The following TENM2 variants were observed in gnomAD, a reference collection of about 807,000 sequenced individuals.
TENM2 encodes the protein teneurin transmembrane protein 2.
A neutral mutation model predicts 245.2 loss-of-function variants in TENM2; 52 were observed. That is an observed-to-expected ratio of 0.21 (90% CI 0.17 to 0.27). The LOEUF is 0.27. Ranked by LOEUF, TENM2 falls within the 10% of genes least tolerant of loss-of-function variation. TENM2 has a pLI of 1.00. For synonymous variants in TENM2, 1,363 were observed against 1,438.9 expected, an observed-to-expected ratio of 0.95 and a Z score of 1.19; for missense variants, 3,046 against 3,666.8, an observed-to-expected ratio of 0.83 and a Z score of 4.37.
chr5:167,084,696 A>C, the TENM2 span, among the ~76,000 whole-genome samples: 1 of 152,012 alleles, frequency 6.6e-6, no homozygotes, highest in East Asian at 1.9e-4. Context: ...GTGAAATAGC[A>C]ATATTTTCTG....
the TENM2 span, among the ~76,000 whole-genome samples, chr5:167,210,788 T>C: frequency 2.6e-5 from 4 of 152,234 alleles, no homozygotes; most frequent in Non-Finnish European, 5.9e-5. Context: ...AATGCCTTCC[T>C]CTACATGCAT....
At chr5:168,142,470 G>A (rs144231877) in intron 12 of TENM2, among the ~76,000 whole-genome samples, 5 of 152,334 alleles carry the variant, frequency 3.3e-5, no homozygotes, top group African/African-American at 1.2e-4. Context: ...AACAATTTCA[G>A]CGTTATAAAG....
At chr5:167,285,466 C>G (rs141624649) in intron 1 of TENM2, among the ~76,000 whole-genome samples, 1 of 152,276 alleles carries the variant, frequency 6.6e-6, no homozygotes, top group Non-Finnish European at 1.5e-5. Flanking sequence ...TGTTTCAGAG[C>G]ATGGGTGGCC....
At chr5:167,952,265 A>G (rs1475558018) in intron 3 of TENM2, 3 of 428,280 alleles carry the variant, frequency 7.0e-6, no homozygotes, top group South Asian at 3.3e-5. Context: ...GCCAGCGATC[A>G]GCCTTGAATG....
chr5:167,206,772 A>T, the TENM2 span, among the ~76,000 whole-genome samples: 5 of 152,326 alleles, frequency 3.3e-5, no homozygotes, highest in African/African-American at 1.2e-4. Flanking sequence ...TCCCATGTTT[A>T]TCTGTCAAGA....
At chr5:168,062,088 A>T (rs72824988) in exon 7 of TENM2, 174,439 of 1,611,718 alleles carry the variant, frequency 0.11, 10,015 homozygotes, top group East Asian at 0.18. Context: ...ACAGCAGCAT[A>T]GACAGTGGTG....
chr5:167,164,018 C>T, the TENM2 span, among the ~76,000 whole-genome samples: 1,598 of 152,234 alleles, frequency 0.01, 24 homozygotes, highest in African/African-American at 0.037. Context: ...CACTTTAGTG[C>T]GTGAGTGCAA....
At chr5:167,425,219 C>T (rs1763740431) in intron 2 of TENM2, among the ~76,000 whole-genome samples, 1 of 152,152 alleles carries the variant, frequency 6.6e-6, no homozygotes, top group South Asian at 2.1e-4. Context: ...TAGTATAAAA[C>T]TGCAATTCTC....
intron 2 of TENM2, among the ~76,000 whole-genome samples, chr5:167,384,613 A>G (rs150988384): frequency 6.6e-6 from 1 of 152,368 alleles, no homozygotes; most frequent in East Asian, 1.9e-4. Context: ...CAGATAATAC[A>G]GAACTATTGA....
chr5:167,637,224 A>G (rs1404837230), intron 2 of TENM2, among the ~76,000 whole-genome samples: 1 of 152,210 alleles, frequency 6.6e-6, no homozygotes, highest in East Asian at 1.9e-4. Context: ...TTGACAAGAA[A>G]TAATATGCTA....
At chr5:167,388,555 G>T (rs529456399) in intron 2 of TENM2, among the ~76,000 whole-genome samples, 31 of 150,138 alleles carry the variant, frequency 2.1e-4, no homozygotes, top group African/African-American at 4.6e-4. Flanking sequence ...TTTGGGTTTG[G>T]TTTTTTTTTG....
chr5:167,180,103 C>CT, the TENM2 span, among the ~76,000 whole-genome samples: 4,468 of 114,858 alleles, frequency 0.039, 265 homozygotes, highest in African/African-American at 0.1. Context: ...TAAGTGCTTC[C>CT]TTTTTTTTTT....
At chr5:168,209,815 C>T (rs1337274289) in intron 19 of TENM2, among the ~76,000 whole-genome samples, 1 of 152,152 alleles carries the variant, frequency 6.6e-6, no homozygotes, top group African/African-American at 2.4e-5. Context: ...TAAGTATCTG[C>T]AATTCAGAGA....
chr5:167,303,966 A>G (rs1755512306), intron 1 of TENM2, among the ~76,000 whole-genome samples: 1 of 152,178 alleles, frequency 6.6e-6, no homozygotes, highest in South Asian at 2.1e-4. Flanking sequence ...ATTTTTATAT[A>G]AAATCCCCAG....
chr5:168,025,047 A>G (rs1300617007), intron 5 of TENM2, among the ~76,000 whole-genome samples: 1 of 152,272 alleles, frequency 6.6e-6, no homozygotes, highest in Non-Finnish European at 1.5e-5. Context: ...GGCATACAAA[A>G]GTAACTTCTC....
intron 2 of TENM2, among the ~76,000 whole-genome samples, chr5:167,862,788 T>G (rs1478058136): frequency 6.6e-6 from 1 of 152,236 alleles, no homozygotes; most frequent in African/African-American, 2.4e-5. Context: ...ATTCGGGTTG[T>G]GAATTTCTGC....
chr5:167,579,127 G>T (rs1431770728), intron 2 of TENM2, among the ~76,000 whole-genome samples: 1 of 152,138 alleles, frequency 6.6e-6, no homozygotes, highest in African/African-American at 2.4e-5. Context: ...CAGAGATGGG[G>T]TGCTGCCCAT....
the TENM2 span, among the ~76,000 whole-genome samples, chr5:167,122,613 C>T: frequency 6.6e-6 from 1 of 152,104 alleles, no homozygotes; most frequent in African/African-American, 2.4e-5. Flanking sequence ...TATTGGTGAC[C>T]TTTGATGGTT....
At chr5:167,683,023 T>C (rs899111682) in intron 2 of TENM2, among the ~76,000 whole-genome samples, 4 of 152,172 alleles carry the variant, frequency 2.6e-5, no homozygotes, top group Admixed American at 6.5e-5. Context: ...AGACTTGATT[T>C]AAAAATATAT....
Sources: gnomAD v4.1 joint callset for allele counts (sites outside exome capture counted in the v4.1 genomes callset) on GRCh38, gnomAD v4.1.1 for gene constraint, MANE v1.5 for transcripts, NCBI Gene and HGNC (gene_info 2026-07-23, HGNC 2026-07-21) for gene names.